The following RORB variants were observed in gnomAD, a reference collection of about 807,000 sequenced individuals.
RORB encodes the protein RAR related orphan receptor B.
In RORB, 6 loss-of-function variants were observed where a neutral mutation model predicts 59.1. That is an observed-to-expected ratio of 0.10 (90% CI 0.06 to 0.20). RORB has a LOEUF of 0.20. Ranked by LOEUF, RORB falls within the 10% of genes least tolerant of loss-of-function variation. The probability of loss-of-function intolerance (pLI) is 1.00; values close to 1 mark genes in which losing one functional copy is unlikely to be tolerated. For missense variants in RORB, 320 were observed against 560.5 expected, an observed-to-expected ratio of 0.57 and a Z score of 4.33; for synonymous variants, 215 against 204.5, an observed-to-expected ratio of 1.05 and a Z score of -0.44.
chr9:74,619,258 C>G (rs1306543583), intron 1 of RORB, among the ~76,000 whole-genome samples: 1 of 152,152 alleles, frequency 6.6e-6, no homozygotes, highest in Non-Finnish European at 1.5e-5. Context: ...AAAGGCACCT[C>G]AGCACCAAAC....
chr9:74,674,830 A>G (rs989037114), intron 9 of RORB, among the ~76,000 whole-genome samples: 1 of 152,232 alleles, frequency 6.6e-6, no homozygotes, highest in Non-Finnish European at 1.5e-5. Context: ...GCGTATTTAT[A>G]ATAAACCATC....
chr9:74,646,887 C>T (rs111303671), intron 4 of RORB, among the ~76,000 whole-genome samples: 1 of 152,144 alleles, frequency 6.6e-6, no homozygotes, highest in African/African-American at 2.4e-5. Flanking sequence ...CTACCACACT[C>T]TTCTGGAGGT....
intron 1 of RORB, among the ~76,000 whole-genome samples, chr9:74,564,621 C>T (rs886526950): frequency 6.6e-5 from 10 of 152,036 alleles, no homozygotes; most frequent in African/African-American, 1.9e-4. Context: ...TTTGTATAGC[C>T]GACTATGGTT....
chr9:74,502,527 C>G (rs1331347549), intron 1 of RORB, among the ~76,000 whole-genome samples: 1 of 151,954 alleles, frequency 6.6e-6, no homozygotes, highest in Non-Finnish European at 1.5e-5. Flanking sequence ...GTATAAATCA[C>G]AGCGTATTAC....
chr9:74,614,492 T>C (rs1158938753), intron 1 of RORB, among the ~76,000 whole-genome samples: 1 of 152,160 alleles, frequency 6.6e-6, no homozygotes, highest in Non-Finnish European at 1.5e-5. Context: ...TGTGAGATGA[T>C]GGATATGTTA....
chr9:74,680,208 A>G (rs1057509295), intron 9 of RORB, among the ~76,000 whole-genome samples: 3 of 152,188 alleles, frequency 2.0e-5, no homozygotes, highest in African/African-American at 7.2e-5. Flanking sequence ...TAATGAAGCA[A>G]TATCTCATAG....
intron 1 of RORB, among the ~76,000 whole-genome samples, chr9:74,550,089 A>T (rs1362708919): frequency 3.3e-5 from 5 of 152,134 alleles, no homozygotes. Flanking sequence ...CAATTTAGAA[A>T]CGTGAATTCA....
intron 1 of RORB, among the ~76,000 whole-genome samples, chr9:74,608,562 T>TGA: frequency 2.8e-5 from 1 of 35,604 alleles, no homozygotes; most frequent in East Asian, 1.1e-3. Flanking sequence ...AGACTCCGTC[T>TGA]CAAAAAAAAA....
At chr9:74,553,855 G>A (rs370850065) in intron 1 of RORB, among the ~76,000 whole-genome samples, 4 of 152,094 alleles carry the variant, frequency 2.6e-5, no homozygotes, top group East Asian at 1.9e-4. Context: ...TGACCCAGGC[G>A]TAAACAATAT....
intron 1 of RORB, among the ~76,000 whole-genome samples, chr9:74,549,164 A>T (rs1201058778): frequency 1.3e-5 from 2 of 152,114 alleles, no homozygotes; most frequent in African/African-American, 4.8e-5. Flanking sequence ...ACTGCTTGTC[A>T]GCCGGCTGCA....
At chr9:74,533,966 C>A (rs892469858) in intron 1 of RORB, among the ~76,000 whole-genome samples, 1 of 151,978 alleles carries the variant, frequency 6.6e-6, no homozygotes, top group Non-Finnish European at 1.5e-5. Flanking sequence ...GGGAGAAAAT[C>A]TCTCCAAATA....
intron 4 of RORB, among the ~76,000 whole-genome samples, chr9:74,647,110 A>G (rs1231402300): frequency 6.6e-6 from 1 of 152,258 alleles, no homozygotes; most frequent in Non-Finnish European, 1.5e-5. Context: ...ATTAATATTT[A>G]GACAGCAGTA....
At chr9:74,576,970 C>G (rs964346435) in intron 1 of RORB, among the ~76,000 whole-genome samples, 5 of 152,050 alleles carry the variant, frequency 3.3e-5, no homozygotes, top group African/African-American at 9.7e-5. Context: ...TCCAGGCAGT[C>G]TGGATGCAGA....
chr9:74,514,114 G>A (rs150445225), intron 1 of RORB, among the ~76,000 whole-genome samples: 18 of 151,998 alleles, frequency 1.2e-4, no homozygotes, highest in African/African-American at 3.6e-4. Flanking sequence ...AGATGACCAC[G>A]CACAATCATA....
At position 74,635,191 on chromosome 9, in the gene RORB, G is replaced by A. The variant is rs367553017; in HGVS notation, c.235+419G>A. 6.2e-3 allele frequency among the ~76,000 whole-genome samples: 950 copies of A among 152,270 alleles called. 14 individuals are homozygous for A. Among genetic ancestry groups the A allele is most frequent in the African/African-American group, 0.022 (912 of 41,568 alleles). Reference sequence around the variant, plus strand: ...TGACTGGGCTTGCTTACTGTGTGGAGACACTAAGGAATTGCATATGCCTCT... The same window carrying A: ...TGACTGGGCTTGCTTACTGTGTGGAAACACTAAGGAATTGCATATGCCTCT... On this transcript the variant is annotated intron_variant, in intron 3 of 9. Transcript: ENST00000376896.
At chr9:74,593,466 T>TAA (rs11343707) in intron 1 of RORB, among the ~76,000 whole-genome samples, 1,864 of 124,724 alleles carry the variant, frequency 0.015, 27 homozygotes, top group Non-Finnish European at 0.02. Flanking sequence ...AAACTCCATC[T>TAA]AAAAAAAAAA....
chr9:74,648,793 G>A (rs940568882), intron 4 of RORB, among the ~76,000 whole-genome samples: 3 of 152,080 alleles, frequency 2.0e-5, no homozygotes, highest in Non-Finnish European at 4.4e-5. Context: ...TCAAGGAAAG[G>A]GTAGTAGCCA....
At chr9:74,574,626 C>T (rs1167231468) in intron 1 of RORB, among the ~76,000 whole-genome samples, 1 of 152,080 alleles carries the variant, frequency 6.6e-6, no homozygotes, top group Non-Finnish European at 1.5e-5. Context: ...ACAACAAAAC[C>T]TCAGAGTCAG....
At chr9:74,616,809 C>T (rs554008098) in intron 1 of RORB, among the ~76,000 whole-genome samples, 16 of 151,888 alleles carry the variant, frequency 1.1e-4, no homozygotes, top group Admixed American at 7.9e-4. Context: ...ACATAGTGGC[C>T]GATTTTAGGG....
Sources: allele counts gnomAD v4.1 joint callset (sites outside exome capture counted in the v4.1 genomes callset), GRCh38; gene constraint gnomAD v4.1.1; transcripts MANE v1.5; gene names NCBI Gene and HGNC (gene_info 2026-07-23, HGNC 2026-07-21).